Variants in KIRREL3 observed in about 807,000 individuals in gnomAD.
KIRREL3 encodes kirre like nephrin family adhesion molecule 3.
A neutral mutation model predicts 89.7 loss-of-function variants in KIRREL3; 36 were observed. The observed-to-expected ratio is 0.40, with a 90% CI of 0.31 to 0.53. The LOEUF is 0.53. Ranked by LOEUF, KIRREL3 falls within the 20% of genes least tolerant of loss-of-function variation. The probability of loss-of-function intolerance (pLI) is 0.49; values close to 1 mark genes in which losing one functional copy is unlikely to be tolerated. For synonymous variants in KIRREL3, 445 were observed against 441.4 expected (o/e 1.01, Z -0.10); for missense variants, 864 against 1,056.6 (o/e 0.82, Z 2.53).
rs760586509 is a variant in KIRREL3 at position 126,473,474 on chromosome 11, G to C, written c.434-8C>G. On this transcript the variant is annotated splice_polypyrimidine_tract_variant and splice_region_variant and intron_variant, in intron 4 of 16. Transcript: ENST00000525144. ...CGGGGTCATCAGGCGGCACTGCGGG[G>C]AGAGAAGCAGTGAGGTCAGGCCGAG... is the stretch of plus-strand genomic sequence containing the variant. 4 of 1,541,366 alleles carry C rather than the reference G, an allele frequency of 2.6e-6. No homozygotes were observed. The African/African-American group carries it at 4.1e-5, about 16-fold the overall frequency.
At chr11:126,572,399 G>A (rs1281799661) in intron 1 of KIRREL3, among the ~76,000 whole-genome samples, 2 of 152,358 alleles carry the variant, frequency 1.3e-5, no homozygotes, top group East Asian at 3.9e-4. Flanking sequence ...GAGGCTCAGG[G>A]AAGCCAAGCA....
At chr11:126,964,622 C>T (rs766594490) in intron 1 of KIRREL3, among the ~76,000 whole-genome samples, 2 of 152,152 alleles carry the variant, frequency 1.3e-5, no homozygotes, top group Non-Finnish European at 2.9e-5. Context: ...GAGGGCCTGC[C>T]AACAGCTTGT....
chr11:126,813,198 C>T (rs952587815), intron 1 of KIRREL3, among the ~76,000 whole-genome samples: 2 of 152,192 alleles, frequency 1.3e-5, no homozygotes, highest in African/African-American at 4.8e-5. Flanking sequence ...GATTCAAGGA[C>T]TGTGCCTTCA....
At chr11:126,425,818 C>G (rs1368277757) in intron 15 of KIRREL3, 94 bp from the exon 16 acceptor site, 2 of 953,442 alleles carry the variant, frequency 2.1e-6, no homozygotes, top group Non-Finnish European at 3.2e-6. Flanking sequence ...AAAAGATTGC[C>G]CTGTATAACC....
Position 126,924,495 on chromosome 11 carries a change from A to G in KIRREL3, c.55+75960T>C, listed in dbSNP as rs1005279430. ...GTCTAACACCCATTAATCCTGTGCC[A>G]TTATTGTACTTGCCCGTTTGCAACA... On this transcript the variant is annotated intron_variant, in intron 1 of 16. Transcript: ENST00000525144. The surrounding 1 kb of genome is among the most constrained non-coding windows in gnomAD (Gnocchi z 4.7). 4.6e-5 allele frequency among the ~76,000 whole-genome samples: 7 copies of G among 152,174 alleles called. No individual in the cohort carries two copies. The highest frequency in any genetic ancestry group is 4.6e-4 in the Admixed American group (7 of 15,276).
intron 1 of KIRREL3, among the ~76,000 whole-genome samples, chr11:126,602,600 C>G (rs1021039428): frequency 6.6e-6 from 1 of 152,170 alleles, no homozygotes; most frequent in Admixed American, 6.5e-5. Context: ...TTGGCTTGAA[C>G]GCCTCTGATC....
chr11:126,713,580 C>T (rs1349083198), intron 1 of KIRREL3, among the ~76,000 whole-genome samples: 2 of 152,044 alleles, frequency 1.3e-5, no homozygotes, highest in African/African-American at 4.8e-5. Flanking sequence ...GGGAAAGACT[C>T]CAGGCTTATT....
chr11:126,446,285 C>CCTTTCTTT lies in KIRREL3; in HGVS notation c.1125+466_1125+473dup, dbSNP rs5795496. Among the ~76,000 whole-genome samples, 966 of 143,384 alleles carry CCTTTCTTT rather than the reference C, an allele frequency of 6.7e-3. 7 individuals are homozygous for CCTTTCTTT. The highest frequency in any genetic ancestry group is 0.022 in the African/African-American group (853 of 38,626). 94.1% of individuals were successfully genotyped at this position (143,384 alleles called of 152,430 possible). ...CTTTCTCTCTCTTTCTTTTCTTTCT[C>CCTTTCTTT]CTTTCTTTCTTTCTTTCTCTCTCTC... On this transcript the variant is annotated intron_variant, in intron 9 of 16. Coordinates refer to ENST00000525144, the MANE Select transcript of KIRREL3 (RefSeq NM_032531.4).
Position 126,684,137 on chromosome 11 carries a change from C to G in KIRREL3, c.56-121225G>C, listed in dbSNP as rs1240088274. 5.3e-5 allele frequency among the ~76,000 whole-genome samples: 8 copies of G among 152,204 alleles called. No individual in the cohort carries two copies. The highest frequency in any genetic ancestry group is 1.5e-5 in the Non-Finnish European group (1 of 68,036). On this transcript the variant is annotated intron_variant, in intron 1 of 16. Transcript: ENST00000525144. The surrounding 1 kb of genome is among the most constrained non-coding windows in gnomAD (Gnocchi z 4.2). ...ACCTTGGGCAGGGCTGCCCAGAGCC[C>G]TGGAACTGGACTCTCCCTGTGCAGG... is the stretch of plus-strand genomic sequence containing the variant.
At position 126,807,372 on chromosome 11, in the gene KIRREL3, A is replaced by C. The variant is rs1951235923; in HGVS notation, c.55+193083T>G. Among the ~76,000 whole-genome samples, 1 of 152,222 alleles carries C rather than the reference A, an allele frequency of 6.6e-6. No individual in the cohort carries two copies. Among genetic ancestry groups the C allele is most frequent in the Non-Finnish European group, 1.5e-5 (1 of 68,042 alleles). On this transcript the variant is annotated intron_variant, in intron 1 of 16. Coordinates refer to ENST00000525144, the MANE Select transcript of KIRREL3 (RefSeq NM_032531.4). The surrounding 1 kb of genome is among the most constrained non-coding windows in gnomAD (Gnocchi z 4.3). ...GACAGGAGAAAGGACAAACCTGGGG[A>C]ATGAAACTCTGCCATGTACACATGT...
rs1360022358 is a variant in KIRREL3, at chr11:126,568,168, G to A, written c.56-5256C>T. ...GGGACCAGATCCTGGAGTAGCCAATGAGCCTCACCCAGGAGTCTGGGCTCT... is the reference window on the plus strand; with the variant it reads ...GGGACCAGATCCTGGAGTAGCCAATAAGCCTCACCCAGGAGTCTGGGCTCT... On this transcript the variant is annotated intron_variant, in intron 1 of 16. Coordinates refer to ENST00000525144, the MANE Select transcript of KIRREL3 (RefSeq NM_032531.4). This position sits in a 1 kb window ranked among gnomAD's most constrained non-coding sequence, Gnocchi z 4.6. Among the ~76,000 whole-genome samples the A allele has an allele frequency of 6.6e-6, 1 of 152,112 alleles. No homozygotes were observed. Among genetic ancestry groups the A allele is most frequent in the Non-Finnish European group, 1.5e-5 (1 of 68,010 alleles).
chr11:126,963,876 GAT>G (rs1030818039), intron 1 of KIRREL3, among the ~76,000 whole-genome samples: 2 of 152,150 alleles, frequency 1.3e-5, no homozygotes, highest in Admixed American at 1.3e-4. Context: ...GCCCAGCCAG[GAT>G]ATGACTCCAA....
rs1592139961 is a variant in KIRREL3 at position 126,796,078 on chromosome 11, C to T, written c.55+204377G>A. Among the ~76,000 whole-genome samples the T allele has an allele frequency of 1.3e-5, 2 of 152,054 alleles. No individual in the cohort carries two copies. Among genetic ancestry groups the T allele is most frequent in the South Asian group, 4.2e-4 (2 of 4,818 alleles). ...TATTTAGACTAACCTTTCAATGGGA[C>T]ACGTTTTTATCCATGGGGTCCATGG... On this transcript the variant is annotated intron_variant, in intron 1 of 16. Coordinates refer to ENST00000525144, the MANE Select transcript of KIRREL3 (RefSeq NM_032531.4). The surrounding 1 kb of genome is among the most constrained non-coding windows in gnomAD (Gnocchi z 5.1).
chr11:126,720,241 C>T (rs1192052528), intron 1 of KIRREL3, among the ~76,000 whole-genome samples: 2 of 152,178 alleles, frequency 1.3e-5, no homozygotes. Context: ...ATCTCCAGTG[C>T]TCAAAATAGT....
intron 1 of KIRREL3, among the ~76,000 whole-genome samples, chr11:126,858,057 T>C (rs373166299): frequency 6.6e-6 from 1 of 152,168 alleles, no homozygotes; most frequent in East Asian, 1.9e-4. Context: ...CCGTGTGAAC[T>C]GCCTCGCCAA....
chr11:126,954,014 G>A lies in KIRREL3; in HGVS notation c.55+46441C>T, dbSNP rs1193427320. Among the ~76,000 whole-genome samples the A allele has an allele frequency of 1.3e-5, 2 of 152,178 alleles. No homozygotes were observed. Among genetic ancestry groups the A allele is most frequent in the African/African-American group, 2.4e-5 (1 of 41,436 alleles). ...ATCTGTCAGAGGTGTGAGCCTGTGT[G>A]TGTGTGCACAGGGGTGTGTGTGCAC... On this transcript the variant is annotated intron_variant, in intron 1 of 16. Coordinates refer to ENST00000525144, the MANE Select transcript of KIRREL3 (RefSeq NM_032531.4). This position sits in a 1 kb window ranked among gnomAD's most constrained non-coding sequence, Gnocchi z 4.1.
chr11:126,836,273 T>G (rs1943777729), intron 1 of KIRREL3, among the ~76,000 whole-genome samples: 1 of 152,250 alleles, frequency 6.6e-6, no homozygotes, highest in Non-Finnish European at 1.5e-5. Context: ...GAGAGACCTA[T>G]TCATTCTGAT....
chr11:126,512,103 A>G (rs1350703172), intron 4 of KIRREL3, among the ~76,000 whole-genome samples: 1 of 152,238 alleles, frequency 6.6e-6, no homozygotes, highest in Non-Finnish European at 1.5e-5. Context: ...AGGGGGAATC[A>G]GTAGAGAAAC....
rs1004683511 is a variant in KIRREL3, at chr11:126,903,008, G to A, written c.55+97447C>T. On this transcript the variant is annotated intron_variant, in intron 1 of 16. Transcript: ENST00000525144. The surrounding 1 kb of genome is among the most constrained non-coding windows in gnomAD (Gnocchi z 4.5). Reference sequence around the variant, plus strand: ...CTTTTTTTAAAAAAAAGGAAGCCCAGCGTCCTATGACCTTGTGAAAGAAGC... The same window carrying A: ...CTTTTTTTAAAAAAAAGGAAGCCCAACGTCCTATGACCTTGTGAAAGAAGC... Among the ~76,000 whole-genome samples, 1 of 152,076 alleles carries A rather than the reference G, an allele frequency of 6.6e-6. No individual in the cohort carries two copies. The highest frequency in any genetic ancestry group is 1.5e-5 in the Non-Finnish European group (1 of 68,030).
Sources: gnomAD v4.1 joint callset for allele counts (sites outside exome capture counted in the v4.1 genomes callset) on GRCh38, gnomAD v4.1.1 for gene constraint, Gnocchi (gnomAD v3.1) non-coding constraint, MANE v1.5 for transcripts, NCBI Gene and HGNC (gene_info 2026-07-23, HGNC 2026-07-21) for gene names.